MSRA: variants seen among roughly 807,000 people sequenced by gnomAD.
MSRA encodes mitochondrial peptide methionine sulfoxide reductase.
In MSRA, 54 loss-of-function variants were observed where a neutral mutation model predicts 31.3. The ratio of observed to expected loss-of-function variants is 1.73; its 90% CI spans 1.39 to 2.17. The LOEUF (loss-of-function observed/expected upper bound fraction) is 2.17, where lower values mean the gene tolerates loss of function less well. MSRA is among the 30% of genes most tolerant of loss of function. The probability of loss-of-function intolerance (pLI) is 0.00; values close to 1 mark genes in which losing one functional copy is unlikely to be tolerated. For synonymous variants in MSRA, 169 were observed against 116.5 expected, an observed-to-expected ratio of 1.45 and a Z score of -2.90; for missense variants, 507 against 300.9, an observed-to-expected ratio of 1.69 and a Z score of -5.07.
intron 1 of MSRA, among the ~76,000 whole-genome samples, chr8:10,147,230 T>C (rs762740117): frequency 2.6e-5 from 4 of 152,072 alleles, no homozygotes; most frequent in Non-Finnish European, 4.4e-5. Flanking sequence ...GGATGTGACA[T>C]GCTCAGTGTT....
At chr8:10,379,915 G>A (rs1805965744) in intron 5 of MSRA, among the ~76,000 whole-genome samples, 1 of 152,208 alleles carries the variant, frequency 6.6e-6, no homozygotes, top group Non-Finnish European at 1.5e-5. Context: ...ACTCAGGCCA[G>A]ATGCCTAGAA....
intron 5 of MSRA, among the ~76,000 whole-genome samples, chr8:10,421,846 TCTG>T (rs1362669439): frequency 1.4e-4 from 22 of 152,062 alleles, no homozygotes; most frequent in African/African-American, 4.8e-4. Context: ...GCCCCAGAGA[TCTG>T]CTGCTCAGCC....
chr8:10,274,671 C>G lies in MSRA; in HGVS notation c.332-26863C>G, dbSNP rs117971781. ...TATCCATATGCCTGATTATCCATCT[C>G]TCTACCCATCCATCCATGTATCTAC... is the stretch of plus-strand genomic sequence containing the variant. On this transcript the variant is annotated intron_variant, in intron 3 of 5. Coordinates refer to ENST00000317173, the MANE Select transcript of MSRA (RefSeq NM_012331.5). Among the ~76,000 whole-genome samples the G allele has an allele frequency of 5.3e-3, 808 of 152,278 alleles. 2 individuals carry two copies. The highest frequency in any genetic ancestry group is 0.017 in the Middle Eastern group (5 of 294).
intron 2 of MSRA, among the ~76,000 whole-genome samples, chr8:10,237,286 T>C (rs1812027019): frequency 6.6e-6 from 1 of 152,230 alleles, no homozygotes. Flanking sequence ...GTTAAGATGA[T>C]GTTGGGTTAG....
intron 1 of MSRA, among the ~76,000 whole-genome samples, chr8:10,057,111 A>C (rs1024221654): frequency 2.6e-5 from 4 of 152,218 alleles, no homozygotes; most frequent in Admixed American, 2.6e-4. Flanking sequence ...TTCAGTGTTT[A>C]ATTTATCCCA....
chr8:10,330,634 G>A (rs1251011881), intron 5 of MSRA, among the ~76,000 whole-genome samples: 3 of 152,216 alleles, frequency 2.0e-5, no homozygotes, highest in Non-Finnish European at 4.4e-5. Flanking sequence ...TACAGTCACA[G>A]AAGCTCACAT....
chr8:10,397,199 TTG>T (rs1345033171), intron 5 of MSRA, among the ~76,000 whole-genome samples: 1 of 152,202 alleles, frequency 6.6e-6, no homozygotes, highest in Non-Finnish European at 1.5e-5. Context: ...CCTGTTTTAT[TTG>T]TGTGAGCCAT....
chr8:10,135,670 C>G (rs1297162898), intron 1 of MSRA, among the ~76,000 whole-genome samples: 2 of 152,136 alleles, frequency 1.3e-5, no homozygotes, highest in Non-Finnish European at 2.9e-5. Flanking sequence ...TTCGCGTGCC[C>G]CTATGCTAAA....
Position 10,207,875 on chromosome 8 carries a change from C to T in MSRA, c.185C>T (p.Pro62Leu). ...GGCAACAGAACAGTCGAACCTTTCC[C>T]AGAGGGAACACAGATGGCTGTATTT... ...VNGNRTVEPF[P>L]EGTQMAVFGM... The change falls in exon 2 of 6, where the codon CCA (proline) becomes CTA (leucine). Residue 62 changes from proline (P) to leucine (L), a missense_variant. Transcript: ENST00000317173. The T allele has an allele frequency of 1.9e-6, 3 of 1,612,416 alleles. No homozygotes were observed. Among genetic ancestry groups the T allele is most frequent in the Non-Finnish European group, 2.5e-6 (3 of 1,179,220 alleles).
chr8:10,229,638 G>A (rs978603317), intron 2 of MSRA, among the ~76,000 whole-genome samples: 14 of 152,120 alleles, frequency 9.2e-5, no homozygotes, highest in East Asian at 1.9e-4. Flanking sequence ...CGCTTACTGA[G>A]TACCTCATAG....
At chr8:10,102,379 G>C (rs1799587973) in intron 1 of MSRA, among the ~76,000 whole-genome samples, 1 of 152,078 alleles carries the variant, frequency 6.6e-6, no homozygotes, top group Non-Finnish European at 1.5e-5. Context: ...CTTACCTTCA[G>C]ATTCACCTAT....
intron 5 of MSRA, among the ~76,000 whole-genome samples, chr8:10,357,962 G>A (rs1220271316): frequency 6.6e-6 from 1 of 152,100 alleles, no homozygotes; most frequent in Admixed American, 6.6e-5. Flanking sequence ...TACTCTTGTT[G>A]TCCAGGCTAG....
intron 1 of MSRA, among the ~76,000 whole-genome samples, chr8:10,058,781 A>G (rs1473977844): frequency 1.3e-5 from 2 of 152,240 alleles, no homozygotes; most frequent in East Asian, 3.8e-4. Context: ...GTGTTATCTT[A>G]GTTTTAATCC....
At chr8:10,123,182 G>C (rs910525572) in intron 1 of MSRA, among the ~76,000 whole-genome samples, 1 of 152,202 alleles carries the variant, frequency 6.6e-6, no homozygotes, top group African/African-American at 2.4e-5. Context: ...AATCTCACCA[G>C]CATCTGTTAT....
intron 2 of MSRA, among the ~76,000 whole-genome samples, chr8:10,224,489 C>A (rs1016926436): frequency 6.3e-5 from 5 of 78,854 alleles, no homozygotes; most frequent in Non-Finnish European, 1.9e-4. Context: ...TCAACTATTA[C>A]CAGAAGAAAA....
chr8:10,271,185 C>T (rs1289070612), intron 3 of MSRA, among the ~76,000 whole-genome samples: 1 of 151,548 alleles, frequency 6.6e-6, no homozygotes, highest in Non-Finnish European at 1.5e-5. Context: ...TTTGAAAAGA[C>T]ATGTCACTAT....
chr8:10,421,541 G>A (rs1350758750), intron 5 of MSRA, among the ~76,000 whole-genome samples: 1 of 151,944 alleles, frequency 6.6e-6, no homozygotes, highest in Non-Finnish European at 1.5e-5. Context: ...AGACACTCGG[G>A]CACTTGGAGA....
chr8:10,221,669 A>G (rs1226955187), intron 2 of MSRA, among the ~76,000 whole-genome samples: 1 of 152,230 alleles, frequency 6.6e-6, no homozygotes, highest in Non-Finnish European at 1.5e-5. Flanking sequence ...AGAAAATGAG[A>G]TAAATATGTA....
At chr8:10,097,423 A>T (rs1799232620) in intron 1 of MSRA, among the ~76,000 whole-genome samples, 1 of 152,200 alleles carries the variant, frequency 6.6e-6, no homozygotes, top group Non-Finnish European at 1.5e-5. Flanking sequence ...TGTTTGCCTG[A>T]CTGCAGTCTT....
Sources: gnomAD v4.1 joint callset for allele counts (sites outside exome capture counted in the v4.1 genomes callset) on GRCh38, gnomAD v4.1.1 for gene constraint, MANE v1.5 for transcripts, NCBI Gene and HGNC (gene_info 2026-07-23, HGNC 2026-07-21) for gene names.